Variants in SH2D3A observed in about 807,000 individuals in gnomAD.
SH2D3A encodes SH2 domain containing 3A.
A neutral mutation model predicts 50.6 loss-of-function variants in SH2D3A; 46 were observed. The observed-to-expected ratio is 0.91, with a 90% CI of 0.72 to 1.16. SH2D3A has a LOEUF of 1.16. Ranked by LOEUF, SH2D3A falls within the 50% of genes most tolerant of loss-of-function variation. SH2D3A has a pLI of 0.00. For synonymous variants in SH2D3A, 377 were observed against 348.4 expected (o/e 1.08, Z -0.91); for missense variants, 783 against 786.2 (o/e 1.00, Z 0.05).
At chr19:6,767,029 A>G (rs562969310) in intron 1 of SH2D3A, among the ~76,000 whole-genome samples, 4 of 152,246 alleles carry the variant, frequency 2.6e-5, no homozygotes, top group Admixed American at 2.0e-4. Flanking sequence ...TAGGAGGGCA[A>G]TGAGGTTGGA....
At chr19:6,753,967 C>A (rs894984083) in intron 8 of SH2D3A, 85 bp downstream of exon 8, 2 of 1,436,060 alleles carry the variant, frequency 1.4e-6, no homozygotes, top group East Asian at 2.4e-5. Flanking sequence ...AGAACAGATG[C>A]AGGGACTGGG....
Position 6,759,302 on chromosome 19 carries a change from G to A in SH2D3A, c.496+292C>T, listed in dbSNP as rs1969875568. Reference sequence around the variant, plus strand: ...CTAATTTTGTGTTTTTAGTGGAGATGGGGTTTCACCATGTTGGCAAGGCTG... The same window carrying A: ...CTAATTTTGTGTTTTTAGTGGAGATAGGGTTTCACCATGTTGGCAAGGCTG... On this transcript the variant is annotated intron_variant, in intron 4 of 9. Coordinates refer to ENST00000245908, the MANE Select transcript of SH2D3A (RefSeq NM_005490.3). 2.1e-5 allele frequency: 6 copies of A among 291,602 alleles called. 1 individual carries two copies. Among genetic ancestry groups the A allele is most frequent in the South Asian group, 1.6e-4 (5 of 30,770 alleles). 18.1% of individuals were successfully genotyped at this position (291,602 alleles called of 1,614,324 possible). A position where few individuals can be genotyped will look rare whatever the true frequency, so the allele number is the denominator to read the frequency against.
chr19:6,764,339 C>A (rs950344989), intron 1 of SH2D3A: 1 of 151,472 alleles, frequency 6.6e-6, no homozygotes, highest in African/African-American at 2.4e-5. Context: ...CTCAAGGAAT[C>A]CTCTAGCCTC....
chr19:6,763,623 G>T, intron 2 of SH2D3A, 57 bp downstream of exon 2: 1 of 1,537,008 alleles, frequency 6.5e-7, no homozygotes, highest in Non-Finnish European at 8.9e-7. Context: ...GGAATCCTCA[G>T]CAAGGGTGGG....
chr19:6,763,094 C>T lies in SH2D3A; in HGVS notation c.69+586G>A, dbSNP rs145015217. On this transcript the variant is annotated intron_variant, in intron 2 of 9. Coordinates refer to ENST00000245908, the MANE Select transcript of SH2D3A (RefSeq NM_005490.3). The stretch of plus-strand genomic sequence containing the variant: ...TTTATTTATGTTTTTGACAGAGTCT[C>T]GCTCTGTTACCCAGTCTGGAGTGCA... Among the ~76,000 whole-genome samples, 3 of 152,114 alleles carry T rather than the reference C, an allele frequency of 2.0e-5. No individual in the cohort carries two copies. The East Asian group carries it at 5.8e-4, about 29-fold the overall frequency.
chr19:6,760,596 G>T (rs755820466), intron 3 of SH2D3A, 42 bp downstream of exon 3: 1 of 1,448,500 alleles, frequency 6.9e-7, no homozygotes, highest in Non-Finnish European at 9.2e-7. Context: ...AAAACCCTGC[G>T]AGTGTTGGGT....
At chr19:6,763,966 G>A in intron 1 of SH2D3A, 150 bp from the exon 2 acceptor site, 1 of 289,438 alleles carries the variant, frequency 3.5e-6, no homozygotes, top group Non-Finnish European at 6.3e-6. Context: ...AGGCTGGAGT[G>A]CAATGGTGCG....
At chr19:6,764,872 ATTTT>A (rs55670461) in intron 1 of SH2D3A, among the ~76,000 whole-genome samples, 1 of 103,126 alleles carries the variant, frequency 9.7e-6, no homozygotes, top group South Asian at 3.1e-4. Flanking sequence ...TACCTGGCTA[ATTTT>A]TTTTTTTTTT....
intron 1 of SH2D3A, among the ~76,000 whole-genome samples, chr19:6,765,474 G>T (rs1025245721): frequency 6.6e-6 from 1 of 152,062 alleles, no homozygotes; most frequent in Admixed American, 6.6e-5. Context: ...GGGGCCAGGC[G>T]CGGTGGCTCA....
chr19:6,752,866 A>T, intron 9 of SH2D3A, 113 bp from the exon 10 acceptor site: 1 of 1,411,466 alleles, frequency 7.1e-7, no homozygotes, highest in South Asian at 1.5e-5. Context: ...GGGGCCCGGG[A>T]GGGACCTGCC....
intron 4 of SH2D3A, chr19:6,758,067 G>C (rs1412595988): frequency 5.3e-5 from 8 of 151,522 alleles, no homozygotes; most frequent in Admixed American, 5.3e-4. Context: ...GTTTTTTTGA[G>C]ACAGTCTCAC....
chr19:6,764,016 G>A (rs913330982), intron 1 of SH2D3A, 200 bp from the exon 2 acceptor site: 7 of 200,322 alleles, frequency 3.5e-5, no homozygotes, highest in South Asian at 8.7e-5. Flanking sequence ...AGATTCAAGC[G>A]ATTCTCCTGC....
At chr19:6,765,101 G>A (rs1970240051) in intron 1 of SH2D3A, among the ~76,000 whole-genome samples, 2 of 151,782 alleles carry the variant, frequency 1.3e-5, no homozygotes, top group African/African-American at 2.4e-5. Flanking sequence ...GGCTGGTCTC[G>A]AACTCCTGAC....
In SH2D3A at chr19:6,754,649, TG is replaced by T; in HGVS notation, c.1063del (p.His355MetfsTer5). 2 of 1,614,148 alleles carry T rather than the reference TG, an allele frequency of 1.2e-6. No individual in the cohort carries two copies. The highest frequency in any genetic ancestry group is 1.6e-4 in the Middle Eastern group (1 of 6,062). On this transcript the variant is annotated frameshift_variant, in exon 6 of 10. Coordinates refer to ENST00000245908, the MANE Select transcript of SH2D3A (RefSeq NM_005490.3). LOFTEE classifies it high-confidence loss of function. ...SSGLELLTLPHGHHLRLELLE... is the reference protein window; with the variant it reads ...SSGLELLTLPXGHHLRLELLE... ...CAGTTCCAACCTCAAGTGGTGTCCATGGGGAAGAGTGAGCAGCTCCAGGCCA... is the reference window on the plus strand; with the variant it reads ...CAGTTCCAACCTCAAGTGGTGTCCATGGGAAGAGTGAGCAGCTCCAGGCCA...
At chr19:6,763,567 C>T (rs112784077) in intron 2 of SH2D3A, 113 bp downstream of exon 2, 10 of 871,384 alleles carry the variant, frequency 1.1e-5, no homozygotes, top group African/African-American at 3.4e-5. Flanking sequence ...CCCTCTGCCA[C>T]CTGTCCCAAT....
chr19:6,767,105 G>T (rs1970342188), intron 1 of SH2D3A, among the ~76,000 whole-genome samples: 1 of 152,156 alleles, frequency 6.6e-6, no homozygotes, highest in Non-Finnish European at 1.5e-5. Context: ...TGACCCAAGG[G>T]TTTTAAGTGA....
intron 3 of SH2D3A, among the ~76,000 whole-genome samples, 166 bp downstream of exon 3, chr19:6,760,472 C>T (rs540659868): frequency 2.2e-4 from 33 of 150,688 alleles, no homozygotes; most frequent in African/African-American, 6.8e-4. Flanking sequence ...GCAGGAGAAT[C>T]GCTTGAACCT....
Position 6,752,504 on chromosome 19 carries a change from G to C in SH2D3A, c.*89C>G, listed in dbSNP as rs1969369632. On this transcript the variant is annotated 3_prime_UTR_variant, in exon 10 of 10. Coordinates refer to ENST00000245908, the MANE Select transcript of SH2D3A (RefSeq NM_005490.3). ...GGCACAGGGCAGGATTCCACCTGAGGCGCGAGGAGCCTGGGACGACTCCTT... is the reference window on the plus strand; with the variant it reads ...GGCACAGGGCAGGATTCCACCTGAGCCGCGAGGAGCCTGGGACGACTCCTT... 1 of 1,255,438 alleles carries C rather than the reference G, an allele frequency of 8.0e-7. No homozygotes were observed. Among genetic ancestry groups the C allele is most frequent in the Admixed American group, 2.9e-5 (1 of 34,088 alleles). 77.8% of individuals were successfully genotyped at this position (1,255,438 alleles called of 1,614,324 possible). A position where few individuals can be genotyped will look rare whatever the true frequency, so the allele number is the denominator to read the frequency against.
intron 2 of SH2D3A, among the ~76,000 whole-genome samples, chr19:6,762,679 C>T (rs866170513): frequency 6.8e-6 from 1 of 146,808 alleles, no homozygotes; most frequent in African/African-American, 2.5e-5. Context: ...GGATAATTTT[C>T]GCTTTTTTTT....
Sources: allele counts gnomAD v4.1 joint callset (sites outside exome capture counted in the v4.1 genomes callset), GRCh38; gene constraint gnomAD v4.1.1; transcripts MANE v1.5; gene names NCBI Gene and HGNC (gene_info 2026-07-23, HGNC 2026-07-21).